LLGL2: variants seen among roughly 807,000 people sequenced by gnomAD.
LLGL2 encodes the protein LLGL scribble cell polarity complex component 2, also known as LLGL2, scribble cell polarity complex component.
Under a neutral mutation model 123.2 loss-of-function variants are expected in LLGL2, and 81 were observed. That is an observed-to-expected ratio of 0.66 (90% confidence interval 0.55 to 0.79). LLGL2 has a LOEUF of 0.79. LLGL2 is among the 30% of genes least tolerant of loss of function. The pLI, the probability that LLGL2 is intolerant of heterozygous loss-of-function variation, is 0.00. For synonymous variants in LLGL2, 577 were observed against 594.1 expected (o/e 0.97, Z 0.42); for missense variants, 1,273 against 1,414.6 (o/e 0.90, Z 1.61).
At chr17:75,538,924 G>A (rs537751983) in intron 1 of LLGL2, among the ~76,000 whole-genome samples, 4 of 152,026 alleles carry the variant, frequency 2.6e-5, no homozygotes, top group Admixed American at 1.3e-4. Context: ...CAAGAGTCTC[G>A]CTCTGTGGCC....
intron 6 of LLGL2, among the ~76,000 whole-genome samples, chr17:75,560,241 CT>C (rs1443656402): frequency 7.9e-5 from 12 of 152,226 alleles, no homozygotes; most frequent in African/African-American, 2.7e-4. Context: ...AGACCTCTGC[CT>C]TTCCCGTTCA....
intron 19 of LLGL2, 48 bp from the exon 20 acceptor site, chr17:75,572,966 G>T (rs376214744): frequency 2.7e-5 from 42 of 1,559,578 alleles, no homozygotes; most frequent in Non-Finnish European, 3.5e-5. Context: ...GCACAGGGCA[G>T]GAGAACTGGT....
At chr17:75,572,516 T>C (rs1033149060) in intron 19 of LLGL2, among the ~76,000 whole-genome samples, 20 of 151,466 alleles carry the variant, frequency 1.3e-4, no homozygotes, top group African/African-American at 4.9e-4. Flanking sequence ...TGCAAAAAAA[T>C]TAGTTAGGCG....
At position 75,559,486 on chromosome 17, in the gene LLGL2, C is replaced by A; in HGVS notation, c.530+76C>A. ...GGCTTCTCCCCTTGGTCCCAGGACT[C>A]TGTCAGGAGCTGTCATTTCTCTGCT... On this transcript the variant is annotated intron_variant, in intron 6 of 25. Transcript: ENST00000392550. The surrounding 1 kb of genome is among the most constrained non-coding windows in gnomAD (Gnocchi z 4.6). The A allele has an allele frequency of 6.8e-7, 1 of 1,481,092 alleles. No homozygotes were observed. Among genetic ancestry groups the A allele is most frequent in the Non-Finnish European group, 9.0e-7 (1 of 1,110,096 alleles). 91.7% of individuals were successfully genotyped at this position (1,481,092 alleles called of 1,614,324 possible).
intron 1 of LLGL2, among the ~76,000 whole-genome samples, chr17:75,530,287 G>T (rs7225150): frequency 0.093 from 14,199 of 152,166 alleles, 712 homozygotes; most frequent in African/African-American, 0.11. Flanking sequence ...AGGATTGCTT[G>T]AACCCAGGAG....
intron 22 of LLGL2, 106 bp from the exon 23 acceptor site, chr17:75,574,107 C>T: frequency 6.5e-7 from 1 of 1,544,428 alleles, no homozygotes; most frequent in Non-Finnish European, 8.7e-7. Context: ...GGCATTCCTT[C>T]CAGCCCTGGG....
At chr17:75,560,799 T>A (rs1357756987) in intron 6 of LLGL2, among the ~76,000 whole-genome samples, 9 of 86,632 alleles carry the variant, frequency 1.0e-4, no homozygotes, top group Non-Finnish European at 2.3e-5. Context: ...TTTGTTTATT[T>A]ATTAAAAAAA....
At position 75,573,444 on chromosome 17, in the gene LLGL2, G is replaced by A. The variant is rs201620727; in HGVS notation, c.2726-37G>A. Reference sequence around the variant, plus strand: ...AGGTGGGGAGGCAGCCTTGGCAGCCGCCAGGCCAGGCCGCTAGCATTGCCC... The same window carrying A: ...AGGTGGGGAGGCAGCCTTGGCAGCCACCAGGCCAGGCCGCTAGCATTGCCC... On this transcript the variant is annotated intron_variant, in intron 20 of 25. Coordinates refer to ENST00000392550, the MANE Select transcript of LLGL2 (RefSeq NM_001031803.2). 6,298 of 1,590,484 alleles carry A rather than the reference G, an allele frequency of 4.0e-3. 17 individuals are homozygous for A. The highest frequency in any genetic ancestry group is 4.2e-3 in the Non-Finnish European group (4,855 of 1,162,226).
chr17:75,570,047 T>A lies in LLGL2; in HGVS notation c.1666T>A (p.Tyr556Asn), dbSNP rs780370741. Residue 556 changes from tyrosine to asparagine, a missense_variant, in exon 15 of 26, where the codon TAC becomes AAC. Transcript: ENST00000392550. ...EADLLQDQEG[Y>N]RWKGHERLAA... ...CGACCTGCTGCAGGACCAAGAGGGC[T>A]ACCGCTGGAAGGGGCACGAGCGCCT... 6.2e-7 allele frequency: 1 copy of A among 1,612,790 alleles called. No individual in the cohort carries two copies. Among genetic ancestry groups the A allele is most frequent in the Middle Eastern group, 1.7e-4 (1 of 6,060 alleles).
intron 1 of LLGL2, among the ~76,000 whole-genome samples, chr17:75,529,333 A>C (rs2053690269): frequency 6.6e-6 from 1 of 151,246 alleles, no homozygotes; most frequent in Admixed American, 6.6e-5. Flanking sequence ...AGTAGCTGGG[A>C]TTGCAGGCAG....
intron 1 of LLGL2, among the ~76,000 whole-genome samples, chr17:75,538,343 A>G (rs948186664): frequency 2.0e-5 from 3 of 152,312 alleles, no homozygotes; most frequent in Admixed American, 6.5e-5. Context: ...TCATCTGCAC[A>G]GATCTCTGCA....
chr17:75,551,777 T>C (rs985383534), intron 2 of LLGL2, among the ~76,000 whole-genome samples: 1 of 152,256 alleles, frequency 6.6e-6, no homozygotes, highest in Non-Finnish European at 1.5e-5. Flanking sequence ...ATGTATGTGA[T>C]TTAAAATTTC....
intron 1 of LLGL2, among the ~76,000 whole-genome samples, chr17:75,528,138 C>T (rs2147055526): frequency 6.6e-6 from 1 of 151,596 alleles, no homozygotes; most frequent in Middle Eastern, 3.4e-3. Flanking sequence ...TATTTTGAGA[C>T]AGAGTCTCGC....
chr17:75,526,871 A>G (rs1313633887), intron 1 of LLGL2, among the ~76,000 whole-genome samples: 2 of 152,144 alleles, frequency 1.3e-5, no homozygotes, highest in African/African-American at 4.8e-5. Flanking sequence ...AGCCAAGGTC[A>G]GAAGTGGCAG....
intron 2 of LLGL2, among the ~76,000 whole-genome samples, chr17:75,548,308 G>C (rs771779671): frequency 1.4e-5 from 2 of 142,640 alleles, no homozygotes; most frequent in African/African-American, 2.6e-5. Flanking sequence ...ACGGAGTTTA[G>C]CTCTTGTTGC....
chr17:75,572,256 G>A (rs1406967721), intron 19 of LLGL2, among the ~76,000 whole-genome samples, 192 bp downstream of exon 19: 4 of 152,126 alleles, frequency 2.6e-5, no homozygotes, highest in Non-Finnish European at 5.9e-5. Context: ...GGCCAGGCGC[G>A]GTGACTCATG....
At position 75,558,905 on chromosome 17, in the gene LLGL2, C is replaced by T. The variant is rs150818003; in HGVS notation, c.371+278C>T. 21,108 of 262,864 alleles carry T rather than the reference C, an allele frequency of 0.08. 3,191 individuals carry two copies. The highest frequency in any genetic ancestry group is 0.28 in the African/African-American group (6,223 of 22,014). The allele number at this position is 262,864 out of a possible 1,614,324, so 16.3% of individuals were successfully genotyped here. On this transcript the variant is annotated intron_variant, in intron 5 of 25. Transcript: ENST00000392550. The surrounding 1 kb of genome is among the most constrained non-coding windows in gnomAD (Gnocchi z 4.0). ...CACCCCACCTCCTCCATCCACACCA[C>T]GCCTCCTCCATCCGCACCCCACCTC...
rs754321787 is a variant in LLGL2 at position 75,573,264 on chromosome 17, C to T, written c.2711C>T (p.Thr904Ile). The change falls in exon 20 of 26, where the codon ACC becomes ATC. Residue 904 changes from threonine (T) to isoleucine (I), a missense_variant. Coordinates refer to ENST00000392550, the MANE Select transcript of LLGL2 (RefSeq NM_001031803.2). Reference protein sequence around the residue: ...DVSGIASCVFTKYGQGFYLIS... With the variant: ...DVSGIASCVFIKYGQGFYLIS... ...AGTGGCATCGCCTCCTGCGTCTTCACCAAATATGGCCAAGGTGTTTGAGCC... is the reference window on the plus strand; with the variant it reads ...AGTGGCATCGCCTCCTGCGTCTTCATCAAATATGGCCAAGGTGTTTGAGCC... The T allele has an allele frequency of 1.2e-6, 2 of 1,600,432 alleles. No individual in the cohort carries two copies. The highest frequency in any genetic ancestry group is 1.7e-6 in the Non-Finnish European group (2 of 1,170,438).
chr17:75,554,903 A>AT (rs58694058), intron 2 of LLGL2, among the ~76,000 whole-genome samples: 16 of 143,968 alleles, frequency 1.1e-4, no homozygotes, highest in South Asian at 4.4e-4. Flanking sequence ...AAAAAAAAAA[A>AT]TTTTTGGCTG....
Sources: allele counts gnomAD v4.1 joint callset (sites outside exome capture counted in the v4.1 genomes callset), GRCh38; gene constraint gnomAD v4.1.1; non-coding constraint Gnocchi (gnomAD v3.1); transcripts MANE v1.5; gene names NCBI Gene and HGNC (gene_info 2026-07-23, HGNC 2026-07-21).